The following ECT2L variants were observed in gnomAD, a reference collection of about 807,000 sequenced individuals.
The protein encoded by ECT2L is epithelial cell transforming 2 like.
In ECT2L, 126 loss-of-function variants were observed where a neutral mutation model predicts 122.8. The ratio of observed to expected loss-of-function variants is 1.03; its 90% confidence interval spans 0.89 to 1.19. ECT2L has a LOEUF of 1.19. Among genes scored for constraint, ECT2L ranks in the 50% most tolerant of loss-of-function variants. ECT2L has a pLI of 0.00. For missense variants in ECT2L, 1,012 were observed against 1,064.1 expected (o/e 0.95, Z 0.68); for synonymous variants, 385 against 381.8 (o/e 1.01, Z -0.10).
intron 13 of ECT2L, among the ~76,000 whole-genome samples, chr6:138,876,022 G>T (rs1016886362): frequency 6.6e-6 from 1 of 152,164 alleles, no homozygotes; most frequent in African/African-American, 2.4e-5. Flanking sequence ...AGGAGGCTGA[G>T]GCAGGAGAAT....
intron 19 of ECT2L, among the ~76,000 whole-genome samples, chr6:138,887,229 ATT>A (rs772909250): frequency 2.1e-5 from 2 of 94,194 alleles, no homozygotes; most frequent in Admixed American, 1.2e-4. Flanking sequence ...CTTTTCTTTA[ATT>A]TTTTTTTTTT....
At chr6:138,796,341 G>A (rs1325746531) in intron 1 of ECT2L, 149 bp downstream of exon 1, 1 of 152,298 alleles carries the variant, frequency 6.6e-6, no homozygotes, top group Admixed American at 6.5e-5. Context: ...CGACCCTGGA[G>A]TCCCTTAGCA....
chr6:138,885,377 TCTA>T, intron 16 of ECT2L, 126 bp from the exon 17 acceptor site: 1 of 799,352 alleles, frequency 1.3e-6, no homozygotes, highest in African/African-American at 1.7e-5. Context: ...CTACTAACAG[TCTA>T]CTAATTGGTT....
rs1170631663 is a variant in ECT2L at position 138,847,355 on chromosome 6, C to CTTTTTTTTTTTTTT, written c.903+698_903+711dup. ...TTTGAAAAAGCATTAAAGGCCCAAA[C>CTTTTTTTTTTTTTT]TTTTTTTTTTTTTTTTTTTTTTTTT... On this transcript the variant is annotated intron_variant, in intron 8 of 21. Transcript: ENST00000541398. Among the ~76,000 whole-genome samples, 11 of 54,956 alleles carry CTTTTTTTTTTTTTT rather than the reference C, an allele frequency of 2.0e-4. 3 individuals are homozygous for CTTTTTTTTTTTTTT. The highest frequency in any genetic ancestry group is 8.9e-4 in the African/African-American group (11 of 12,294). The allele number at this position is 54,956 out of a possible 152,430, so 36.1% of individuals were successfully genotyped here.
At position 138,846,597 on chromosome 6, in the gene ECT2L, G is replaced by T; in HGVS notation, c.823G>T (p.Val275Phe). The T allele has an allele frequency of 6.2e-7, 1 of 1,611,078 alleles. No homozygotes were observed. The highest frequency in any genetic ancestry group is 8.5e-7 in the Non-Finnish European group (1 of 1,179,062). The change falls in exon 8 of 22, where the codon GTT becomes TTT. Residue 275 changes from valine (V) to phenylalanine (F), a missense_variant. By Grantham distance (50) the Val-to-Phe change is conservative. Transcript: ENST00000541398. ...ATTATCAAAGAAAAATTGGCATGGA[G>T]TTCATAAAAATGATGACAGATCTTC... ...PLLSKKNWHG[V>F]HKNDDRSSYA...
chr6:138,843,129 G>T lies in ECT2L; in HGVS notation c.493G>T (p.Gly165Trp). 1 of 1,614,092 alleles carries T rather than the reference G, an allele frequency of 6.2e-7. No individual in the cohort carries two copies. Among genetic ancestry groups the T allele is most frequent in the South Asian group, 1.1e-5 (1 of 91,068 alleles). ...LTPREAAATY[G>W]TLNEPKTEDE... The stretch of plus-strand genomic sequence containing the variant: ...ACCTAGGGAGGCTGCTGCTACTTAT[G>T]GGACGCTGAATGAACCCAAAACAGA... Residue 165 changes from glycine (G) to tryptophan (W), a missense_variant, in exon 6 of 22, where the codon GGG becomes TGG. By Grantham distance (184) the Gly-to-Trp change is radical. Transcript: ENST00000541398.
chr6:138,818,772 A>C (rs80135650), intron 4 of ECT2L, among the ~76,000 whole-genome samples: 1,659 of 152,164 alleles, frequency 0.011, 27 homozygotes, highest in African/African-American at 0.038. Flanking sequence ...CGGGGATCTG[A>C]ATACACTGAC....
At chr6:138,803,113 C>A (rs1012486801) in intron 1 of ECT2L, among the ~76,000 whole-genome samples, 1 of 151,474 alleles carries the variant, frequency 6.6e-6, no homozygotes, top group Non-Finnish European at 1.5e-5. Flanking sequence ...AACCCTGAGC[C>A]AGGAGCAGTT....
Position 138,852,908 on chromosome 6 carries a change from G to A in ECT2L, c.1070-1118G>A, listed in dbSNP as rs565718462. Among the ~76,000 whole-genome samples, 9 of 152,170 alleles carry A rather than the reference G, an allele frequency of 5.9e-5. No individual in the cohort carries two copies. The South Asian group carries it at 1.9e-3, about 32-fold the overall frequency. On this transcript the variant is annotated intron_variant, in intron 9 of 21. Coordinates refer to ENST00000541398, the MANE Select transcript of ECT2L (RefSeq NM_001077706.3). ...TGATCTCAGCCTTTTTGTTCTCCAG[G>A]TAAGAAAAGTTTTCAAACTCTGCCT...
chr6:138,901,253 A>AT lies in ECT2L; in HGVS notation c.2587+136dup, dbSNP rs1237076076. Reference sequence around the variant, plus strand: ...TGCAAACAATTCCCCCAATATTAGAATTTCATTAAACAATGTAAACTTTCA... The same window carrying AT: ...TGCAAACAATTCCCCCAATATTAGAATTTTCATTAAACAATGTAAACTTTCA... On this transcript the variant is annotated intron_variant, in intron 21 of 21. Transcript: ENST00000541398. 6.6e-6 allele frequency: 6 copies of AT among 910,356 alleles called. No individual in the cohort carries two copies. The African/African-American group carries it at 8.5e-5, about 13-fold the overall frequency. 56.4% of individuals were successfully genotyped at this position (910,356 alleles called of 1,614,324 possible).
At chr6:138,864,002 TAAAAAAAAAAAAAA>T (rs1172466449) in intron 11 of ECT2L, among the ~76,000 whole-genome samples, 3 of 55,846 alleles carry the variant, frequency 5.4e-5, no homozygotes, top group Admixed American at 3.2e-4. Flanking sequence ...TCTCCGTATT[TAAAAAAAAAAAAAA>T]AAAAAAAAAA....
chr6:138,860,455 G>A (rs151116236), intron 10 of ECT2L, among the ~76,000 whole-genome samples: 68 of 151,862 alleles, frequency 4.5e-4, no homozygotes, highest in African/African-American at 1.5e-3. Flanking sequence ...CTATGTATGT[G>A]TACATTGGAC....
intron 1 of ECT2L, among the ~76,000 whole-genome samples, chr6:138,806,564 G>A (rs2128370108): frequency 7.5e-6 from 1 of 132,566 alleles, no homozygotes; most frequent in South Asian, 2.3e-4. Flanking sequence ...CCAGGCTGGA[G>A]TGCAGTGGTG....
At chr6:138,900,407 T>C (rs1450433008) in intron 20 of ECT2L, among the ~76,000 whole-genome samples, 1 of 152,066 alleles carries the variant, frequency 6.6e-6, no homozygotes, top group African/African-American at 2.4e-5. Flanking sequence ...CCACCATGCA[T>C]GGCTAATTTT....
At chr6:138,852,482 G>C (rs745575874) in intron 9 of ECT2L, among the ~76,000 whole-genome samples, 2 of 152,028 alleles carry the variant, frequency 1.3e-5, no homozygotes, top group African/African-American at 2.4e-5. Flanking sequence ...CATTATTGTG[G>C]GATGAGGGGA....
chr6:138,859,925 C>T (rs1033025183), intron 10 of ECT2L, among the ~76,000 whole-genome samples: 2 of 152,070 alleles, frequency 1.3e-5, no homozygotes, highest in Non-Finnish European at 2.9e-5. Flanking sequence ...AGCAATTCTC[C>T]TGCCTCAGCC....
Position 138,868,111 on chromosome 6 carries a change from A to G in ECT2L, c.1483A>G (p.Met495Val). Residue 495 changes from methionine (M) to valine (V), a missense_variant, in exon 13 of 22, where the codon ATG becomes GTG. By Grantham distance (21) the Met-to-Val change is conservative. Coordinates refer to ENST00000541398, the MANE Select transcript of ECT2L (RefSeq NM_001077706.3). ...TGGCCTTGTATTTACAGGGCAGTTT[A>G]TGTTTGACACCATGGGTATGACCAA... is the stretch of plus-strand genomic sequence containing the variant. ...SISGRMIGQF[M>V]FDTMGMTNIL... is the part of the protein sequence containing the mutation. 2 of 1,607,374 alleles carry G rather than the reference A, an allele frequency of 1.2e-6. No homozygotes were observed. The highest frequency in any genetic ancestry group is 1.7e-6 in the Non-Finnish European group (2 of 1,176,826).
intron 5 of ECT2L, among the ~76,000 whole-genome samples, chr6:138,840,196 GGCTGAGGAA>G (rs1776989091): frequency 2.0e-5 from 3 of 152,070 alleles, no homozygotes; most frequent in South Asian, 4.2e-4. Flanking sequence ...ATGTTGAGTA[GGCTGAGGAA>G]GCTGAGGAAG....
chr6:138,807,756 T>C (rs1182055972), intron 1 of ECT2L, among the ~76,000 whole-genome samples: 1 of 152,188 alleles, frequency 6.6e-6, no homozygotes, highest in Non-Finnish European at 1.5e-5. Flanking sequence ...TTCTACCCCA[T>C]GTGTTACTGA....
Sources: allele counts gnomAD v4.1 joint callset (sites outside exome capture counted in the v4.1 genomes callset), GRCh38; gene constraint gnomAD v4.1.1; transcripts MANE v1.5; gene names NCBI Gene and HGNC (gene_info 2026-07-23, HGNC 2026-07-21).